Variants in EGFR observed in about 807,000 individuals in gnomAD.
EGFR encodes avian erythroblastic leukemia viral (v-erb-b) oncogene homolog.
In EGFR, 58 loss-of-function variants were observed where a neutral mutation model predicts 143.0. That is an observed-to-expected ratio of 0.41 (90% CI 0.33 to 0.50). The LOEUF is 0.50. Ranked by LOEUF, EGFR falls within the 20% of genes least tolerant of loss-of-function variation. The probability of loss-of-function intolerance (pLI) is 0.39; values close to 1 mark genes in which losing one functional copy is unlikely to be tolerated. For missense variants in EGFR, 1,307 were observed against 1,579.0 expected, an observed-to-expected ratio of 0.83 and a Z score of 2.92; for synonymous variants, 613 against 594.4, an observed-to-expected ratio of 1.03 and a Z score of -0.45.
At chr7:55,109,483 C>G (rs1792333379) in intron 1 of EGFR, among the ~76,000 whole-genome samples, 1 of 152,224 alleles carries the variant, frequency 6.6e-6, no homozygotes, top group Admixed American at 6.5e-5. Flanking sequence ...CTACAAAGCA[C>G]AAAGCCGACT....
At chr7:55,152,342 T>G (rs1785198644) in intron 5 of EGFR, 1 of 755,520 alleles carries the variant, frequency 1.3e-6, no homozygotes, top group African/African-American at 1.7e-5. Context: ...ATCTCATGAG[T>G]TCTCTTAAGT....
intron 1 of EGFR, among the ~76,000 whole-genome samples, chr7:55,033,529 G>A (rs923538811): frequency 3.3e-5 from 5 of 152,168 alleles, no homozygotes; most frequent in East Asian, 1.9e-4. Context: ...TCATAGGGTC[G>A]CAGAGGGGAT....
intron 21 of EGFR, among the ~76,000 whole-genome samples, chr7:55,192,211 T>C (rs1787426921): frequency 6.6e-6 from 1 of 152,206 alleles, no homozygotes; most frequent in African/African-American, 2.4e-5. Context: ...GGTGGTCCAC[T>C]GCTGTCAAGG....
chr7:55,204,501 A>C (rs202086105), intron 27 of EGFR, among the ~76,000 whole-genome samples: 7,056 of 99,662 alleles, frequency 0.071, 394 homozygotes, highest in African/African-American at 0.23. Flanking sequence ...CAAAAACCCC[A>C]CACACACACA....
intron 1 of EGFR, among the ~76,000 whole-genome samples, chr7:55,050,941 C>T (rs1190531262): frequency 6.6e-6 from 1 of 152,210 alleles, no homozygotes; most frequent in Non-Finnish European, 1.5e-5. Context: ...GCAGCACCTC[C>T]TGTGTGCCCA....
intron 1 of EGFR, among the ~76,000 whole-genome samples, chr7:55,082,655 T>C (rs1436844301): frequency 6.6e-6 from 1 of 152,186 alleles, no homozygotes; most frequent in Non-Finnish European, 1.5e-5. Context: ...AGACCACTCG[T>C]CCCTGTGGCT....
rs372917131 is a variant in EGFR, at chr7:55,142,290, C to T, written c.93C>T (p.Cys31=). ...ATATCTGTCTTTTTCTTCCAGTTTG[C>T]CAAGGCACGAGTAACAAGCTCACGC... The part of the protein sequence containing the change: ...ASRALEEKKV[C]QGTSNKLTQL... Residue 31 remains cysteine, a synonymous_variant, in exon 2 of 28, where the codon TGC becomes TGT. Transcript: ENST00000275493. 5 of 1,613,994 alleles carry T rather than the reference C, an allele frequency of 3.1e-6. No individual in the cohort carries two copies. The highest frequency in any genetic ancestry group is 2.7e-5 in the African/African-American group (2 of 74,906).
chr7:55,132,178 A>G (rs1290745007), intron 1 of EGFR, among the ~76,000 whole-genome samples: 1 of 152,202 alleles, frequency 6.6e-6, no homozygotes, highest in East Asian at 1.9e-4. Flanking sequence ...AAAATTGAAG[A>G]AAAATTTTAA....
intron 1 of EGFR, among the ~76,000 whole-genome samples, chr7:55,085,703 G>A (rs58641005): frequency 1.3e-5 from 2 of 152,196 alleles, no homozygotes; most frequent in African/African-American, 4.8e-5. Flanking sequence ...TTCTGCTAAC[G>A]AAAATTGCGA....
chr7:55,174,894 T>G, intron 19 of EGFR, 74 bp downstream of exon 19: 1 of 1,178,532 alleles, frequency 8.5e-7, no homozygotes, highest in Non-Finnish European at 1.3e-6. Context: ...GTCTGGCAGC[T>G]GCTCTGCTCT....
intron 1 of EGFR, among the ~76,000 whole-genome samples, chr7:55,065,831 T>C (rs1789462426): frequency 1.8e-5 from 1 of 54,264 alleles, no homozygotes; most frequent in South Asian, 5.3e-4. Flanking sequence ...ACTAAGTGGC[T>C]TTTTTTTTTT....
chr7:55,053,567 G>A (rs2110285), intron 1 of EGFR, among the ~76,000 whole-genome samples: 7,545 of 152,268 alleles, frequency 0.05, 367 homozygotes, highest in South Asian at 0.13. Flanking sequence ...AAGAAATTGC[G>A]GAGCAATGCC....
chr7:55,201,108 A>G (rs1787826951), intron 24 of EGFR, 80 bp from the exon 25 acceptor site: 1 of 1,589,776 alleles, frequency 6.3e-7, no homozygotes, highest in Admixed American at 1.7e-5. Flanking sequence ...CCTGCTGGCA[A>G]TAGACCCCTG....
At chr7:55,166,998 G>C (rs1214575347) in intron 15 of EGFR, among the ~76,000 whole-genome samples, 1 of 138,708 alleles carries the variant, frequency 7.2e-6, no homozygotes, top group Non-Finnish European at 1.5e-5. Flanking sequence ...ATGATGAGGA[G>C]GTGGGAGTCA....
Position 55,143,455 on chromosome 7 carries a change from G to A in EGFR, c.391G>A (p.Gly131Arg), listed in dbSNP as rs1485016142. Reference protein sequence around the residue: ...VLSNYDANKTGLKELPMRNLQ... With the variant: ...VLSNYDANKTRLKELPMRNLQ... ...ATCTAACTATGATGCAAATAAAACC[G>A]GACTGAAGGAGCTGCCCATGAGAAA... is the stretch of plus-strand genomic sequence containing the variant. Residue 131 changes from glycine to arginine, a missense_variant, in exon 3 of 28, where the codon GGA becomes AGA. Coordinates refer to ENST00000275493, the MANE Select transcript of EGFR (RefSeq NM_005228.5). 7.4e-6 allele frequency: 12 copies of A among 1,614,018 alleles called. No individual in the cohort carries two copies. Among genetic ancestry groups the A allele is most frequent in the East Asian group, 2.2e-5 (1 of 44,900 alleles).
chr7:55,145,232 T>G (rs1794701509), intron 3 of EGFR, among the ~76,000 whole-genome samples: 1 of 152,180 alleles, frequency 6.6e-6, no homozygotes, highest in African/African-American at 2.4e-5. Context: ...TCTCAGGTCT[T>G]TGGTCTGTTG....
chr7:55,067,881 CGT>C lies in EGFR; in HGVS notation c.88+48523_88+48524del, dbSNP rs1048010763. 2.7e-5 allele frequency among the ~76,000 whole-genome samples: 4 copies of C among 149,994 alleles called. 1 individual carries two copies. The highest frequency in any genetic ancestry group is 7.5e-5 in the African/African-American group (3 of 40,028). On this transcript the variant is annotated intron_variant, in intron 1 of 27. Transcript: ENST00000275493. ...GTGTGTCTGTGTGTCTCTGTGTATACGTGTGTGTACATGTGTGTACGTGTGTG... is the reference window on the plus strand; with the variant it reads ...GTGTGTCTGTGTGTCTCTGTGTATACGTGTGTACATGTGTGTACGTGTGTG...
At chr7:55,154,255 A>C in intron 7 of EGFR, 103 bp downstream of exon 7, 2 of 1,569,018 alleles carry the variant, frequency 1.3e-6, no homozygotes, top group Non-Finnish European at 1.7e-6. Context: ...CTTTGGGTGG[A>C]TGTGTTTGCC....
At chr7:55,111,956 T>C (rs1186729011) in intron 1 of EGFR, among the ~76,000 whole-genome samples, 3 of 151,992 alleles carry the variant, frequency 2.0e-5, no homozygotes, top group Middle Eastern at 3.4e-3. Context: ...TGGGGTGGGG[T>C]CCCAGGGTGG....
Sources: gnomAD v4.1 joint callset for allele counts (sites outside exome capture counted in the v4.1 genomes callset) on GRCh38, gnomAD v4.1.1 for gene constraint, MANE v1.5 for transcripts, NCBI Gene and HGNC (gene_info 2026-07-23, HGNC 2026-07-21) for gene names.